TERF2IP: variants seen among roughly 807,000 people sequenced by gnomAD.
TERF2IP encodes the protein TERF2 interacting protein.
A neutral mutation model predicts 33.3 loss-of-function variants in TERF2IP; 35 were observed. The ratio of observed to expected loss-of-function variants is 1.05; its 90% CI spans 0.80 to 1.39. The LOEUF (loss-of-function observed/expected upper bound fraction) is 1.39, where lower values mean the gene tolerates loss of function less well. Among genes scored for constraint, TERF2IP ranks in the 40% most tolerant of loss-of-function variants. The probability of loss-of-function intolerance (pLI) is 0.00; values close to 1 mark genes in which losing one functional copy is unlikely to be tolerated. For synonymous variants in TERF2IP, 253 were observed against 223.2 expected, an observed-to-expected ratio of 1.13 and a Z score of -1.19; for missense variants, 583 against 524.8, an observed-to-expected ratio of 1.11 and a Z score of -1.08.
At position 75,648,410 on chromosome 16, in the gene TERF2IP, G is replaced by T. The variant is rs1307911860; in HGVS notation, c.528G>T (p.Ser176=). ...AGAAGAGCTCGCTCACGCAGCACTC[G>T]TGGCAGTCCCTGAAGGACCGCTACC... is the stretch of plus-strand genomic sequence containing the variant. ...AMEKSSLTQH[S]WQSLKDRYLK... Residue 176 remains serine (S), a synonymous_variant, in exon 1 of 3, where the codon TCG becomes TCT. Coordinates refer to ENST00000300086, the MANE Select transcript of TERF2IP (RefSeq NM_018975.4). 1.2e-6 allele frequency: 2 copies of T among 1,607,464 alleles called. No individual in the cohort carries two copies. The highest frequency in any genetic ancestry group is 1.3e-5 in the African/African-American group (1 of 75,028).
In TERF2IP at chr16:75,648,272, C is replaced by T. The variant is rs1370982110; in HGVS notation, c.390C>T (p.His130=). ...CCGCGGAGCCGGAGCCGCAGCGGCA[C>T]GCCGGGCGGATCGCCTTCACGGATG... is the stretch of plus-strand genomic sequence containing the variant. ...EGAAEPEPQR[H]AGRIAFTDAD... The change falls in exon 1 of 3, where the codon CAC becomes CAT. Residue 130 remains histidine (H), a synonymous_variant. Transcript: ENST00000300086. The T allele has an allele frequency of 6.5e-7, 1 of 1,549,280 alleles. No individual in the cohort carries two copies. Among genetic ancestry groups the T allele is most frequent in the Non-Finnish European group, 8.7e-7 (1 of 1,146,084 alleles).
At chr16:75,651,214 A>G (rs541244836) in intron 1 of TERF2IP, among the ~76,000 whole-genome samples, 3 of 152,336 alleles carry the variant, frequency 2.0e-5, no homozygotes, top group Admixed American at 2.0e-4. Flanking sequence ...AACATTCCCA[A>G]TACACTGCAA....
In TERF2IP at chr16:75,647,825, C is replaced by T. The variant is rs1287023854; in HGVS notation, c.-58C>T. The T allele has an allele frequency of 6.3e-7, 1 of 1,596,138 alleles. No homozygotes were observed. On this transcript the variant is annotated 5_prime_UTR_variant, in exon 1 of 3. Transcript: ENST00000300086. Reference sequence around the variant, plus strand: ...TGCGGTGACAGCTCAGTCAGTTGAGCTCTGTGTGCCAGGCGCTCGCGAGGG... The same window carrying T: ...TGCGGTGACAGCTCAGTCAGTTGAGTTCTGTGTGCCAGGCGCTCGCGAGGG...
At chr16:75,654,569 C>G (rs1329585103) in intron 2 of TERF2IP, among the ~76,000 whole-genome samples, 172 bp downstream of exon 2, 1 of 152,066 alleles carries the variant, frequency 6.6e-6, no homozygotes, top group Non-Finnish European at 1.5e-5. Flanking sequence ...ACATGTTGCC[C>G]TGAAGCTTTT....
intron 1 of TERF2IP, among the ~76,000 whole-genome samples, chr16:75,650,546 T>C (rs1300808144): frequency 6.6e-6 from 1 of 152,188 alleles, no homozygotes; most frequent in Non-Finnish European, 1.5e-5. Context: ...AATTTTATTA[T>C]ATATCTTGAG....
At position 75,648,147 on chromosome 16, in the gene TERF2IP, G is replaced by C. The variant is rs200530951; in HGVS notation, c.265G>C (p.Glu89Gln). 1.3e-6 allele frequency: 2 copies of C among 1,564,136 alleles called. No individual in the cohort carries two copies. Among genetic ancestry groups the C allele is most frequent in the East Asian group, 2.3e-5 (1 of 43,372 alleles). The change falls in exon 1 of 3, where the codon GAG becomes CAG. Residue 89 changes from glutamate to glutamine, a missense_variant. Glu to Gln is a conservative substitution (Grantham distance 29, BLOSUM62 2). Transcript: ENST00000300086. ...ISTQYILDCV[E>Q]RNERLELEAY... ...CACGCAGTACATCCTGGACTGCGTG[G>C]AGCGCAACGAGAGGCTGGAGCTGGA...
chr16:75,651,140 A>G (rs1450018121), intron 1 of TERF2IP, among the ~76,000 whole-genome samples: 2 of 152,170 alleles, frequency 1.3e-5, no homozygotes, highest in Admixed American at 1.3e-4. Flanking sequence ...AAAGTTTTAT[A>G]TATTTGATTA....
At position 75,655,738 on chromosome 16, in the gene TERF2IP, A is replaced by G. The variant is rs141183584; in HGVS notation, c.796-469A>G. Among the ~76,000 whole-genome samples, 76 of 152,340 alleles carry G rather than the reference A, an allele frequency of 5.0e-4. No homozygotes were observed. The East Asian group carries it at 0.013, about 27-fold the overall frequency. ...AGTGCTTTTTGAGTACTTACTATGTATAGGCATTGGTGGGTATTGGAGATG... is the reference window on the plus strand; with the variant it reads ...AGTGCTTTTTGAGTACTTACTATGTGTAGGCATTGGTGGGTATTGGAGATG... On this transcript the variant is annotated intron_variant, in intron 2 of 2. Coordinates refer to ENST00000300086, the MANE Select transcript of TERF2IP (RefSeq NM_018975.4).
intron 1 of TERF2IP, among the ~76,000 whole-genome samples, chr16:75,650,784 G>A (rs1232391409): frequency 6.6e-6 from 1 of 152,088 alleles, no homozygotes; most frequent in South Asian, 2.1e-4. Context: ...GGATCTGCCC[G>A]ACTTGGCCTC....
intron 2 of TERF2IP, 59 bp downstream of exon 2, chr16:75,654,456 G>C: frequency 1.9e-6 from 3 of 1,564,692 alleles, no homozygotes; most frequent in Non-Finnish European, 2.6e-6. Context: ...CTTTGAAACT[G>C]GTTATCCTGT....
chr16:75,652,691 CTTTA>C (rs1395580823), intron 1 of TERF2IP, among the ~76,000 whole-genome samples: 2 of 151,958 alleles, frequency 1.3e-5, no homozygotes, highest in East Asian at 3.8e-4. Context: ...ATTTTAAAAA[CTTTA>C]TTTTTTATTG....
chr16:75,656,837 A>C lies in TERF2IP; in HGVS notation c.*226A>C. The C allele has an allele frequency of 1.9e-6, 1 of 527,202 alleles. No homozygotes were observed. Among genetic ancestry groups the C allele is most frequent in the Non-Finnish European group, 3.3e-6 (1 of 299,726 alleles). 32.7% of individuals were successfully genotyped at this position (527,202 alleles called of 1,614,324 possible). ...TTACAGCTGTCCTTGAACAAGTATC[A>C]ATGTGTTTATGAAAGGAAGATCTAA... On this transcript the variant is annotated 3_prime_UTR_variant, in exon 3 of 3. Coordinates refer to ENST00000300086, the MANE Select transcript of TERF2IP (RefSeq NM_018975.4).
intron 1 of TERF2IP, among the ~76,000 whole-genome samples, chr16:75,653,814 GA>G (rs1295251244): frequency 1.3e-5 from 2 of 152,066 alleles, no homozygotes; most frequent in African/African-American, 4.8e-5. Flanking sequence ...AGGTCTTGTT[GA>G]AACTCTTTGA....
In TERF2IP at chr16:75,648,138, G is replaced by C. The variant is rs778839900; in HGVS notation, c.256G>C (p.Asp86His). ...TTTCATCTCCACGCAGTACATCCTGGACTGCGTGGAGCGCAACGAGAGGCT... is the reference window on the plus strand; with the variant it reads ...TTTCATCTCCACGCAGTACATCCTGCACTGCGTGGAGCGCAACGAGAGGCT... ...GDFISTQYIL[D>H]CVERNERLEL... Residue 86 changes from aspartate to histidine, a missense_variant, in exon 1 of 3, where the codon GAC (aspartate) becomes CAC (histidine). Physicochemically the swap from Asp to His is moderately conservative, Grantham distance 81. Coordinates refer to ENST00000300086, the MANE Select transcript of TERF2IP (RefSeq NM_018975.4). 1 of 1,563,766 alleles carries C rather than the reference G, an allele frequency of 6.4e-7. No individual in the cohort carries two copies. Among genetic ancestry groups the C allele is most frequent in the Non-Finnish European group, 8.6e-7 (1 of 1,156,526 alleles).
At chr16:75,655,773 A>G (rs1231295839) in intron 2 of TERF2IP, among the ~76,000 whole-genome samples, 1 of 152,206 alleles carries the variant, frequency 6.6e-6, no homozygotes, top group Non-Finnish European at 1.5e-5. Flanking sequence ...GTGGTGATGA[A>G]CAAAACATAC....
intron 1 of TERF2IP, among the ~76,000 whole-genome samples, chr16:75,651,782 T>C (rs982557457): frequency 2.6e-5 from 4 of 152,214 alleles, no homozygotes; most frequent in Admixed American, 6.5e-5. Flanking sequence ...TGTGAGATAA[T>C]AAATATGTGT....
At chr16:75,651,189 AGGGCATGCT>A (rs1393024489) in intron 1 of TERF2IP, among the ~76,000 whole-genome samples, 11 of 152,208 alleles carry the variant, frequency 7.2e-5, no homozygotes, top group African/African-American at 2.4e-4. Flanking sequence ...ATAAAGTCAG[AGGGCATGCT>A]GGAAAAACAT....
chr16:75,654,262 C>G lies in TERF2IP; in HGVS notation c.671-11C>G, dbSNP rs747586043. 3.1e-6 allele frequency: 5 copies of G among 1,601,028 alleles called. No homozygotes were observed. Among genetic ancestry groups the G allele is most frequent in the Non-Finnish European group, 4.3e-6 (5 of 1,172,270 alleles). On this transcript the variant is annotated splice_polypyrimidine_tract_variant and intron_variant, in intron 1 of 2. Coordinates refer to ENST00000300086, the MANE Select transcript of TERF2IP (RefSeq NM_018975.4). ...GCTATTGCTAATCTGTGCTGTTCTT[C>G]TCTTTAACAGAACCACAGAATAAGA...
At chr16:75,648,659 GC>G (rs2082322886) in intron 1 of TERF2IP, 107 bp downstream of exon 1, 1 of 1,436,640 alleles carries the variant, frequency 7.0e-7, no homozygotes, top group African/African-American at 1.4e-5. Context: ...GCAGCGCTTG[GC>G]CCCGCCCCCT....
Sources: allele counts gnomAD v4.1 joint callset (sites outside exome capture counted in the v4.1 genomes callset), GRCh38; gene constraint gnomAD v4.1.1; transcripts MANE v1.5; gene names NCBI Gene and HGNC (gene_info 2026-07-23, HGNC 2026-07-21).